Variants in WNK1 observed in about 807,000 individuals in gnomAD.
The protein encoded by WNK1 is serine/threonine-protein kinase WNK1.
WNK1 carries 38 observed loss-of-function variants against 222.8 expected under a neutral mutation model. The ratio of observed to expected loss-of-function variants is 0.17; its 90% CI spans 0.13 to 0.22. The LOEUF (loss-of-function observed/expected upper bound fraction) is 0.22. Among genes scored for constraint, WNK1 ranks in the 10% least tolerant of loss-of-function variants. The pLI is 1.00. For missense variants in WNK1, 2,348 were observed against 2,918.4 expected, an observed-to-expected ratio of 0.80 and a Z score of 4.50; for synonymous variants, 1,090 against 1,092.9, an observed-to-expected ratio of 1.00 and a Z score of 0.05.
chr12:857,126 G>T lies in WNK1; in HGVS notation c.1312-35G>T, dbSNP rs759092333. ...TTAAAAAACAAAGTTCAAAGGCCCT[G>T]CTTTTATTAATGTATTTCTGTTTAT... is the stretch of plus-strand genomic sequence containing the variant. On this transcript the variant is annotated intron_variant, in intron 4 of 27. Transcript: ENST00000315939. 2.5e-6 allele frequency: 4 copies of T among 1,600,406 alleles called. No homozygotes were observed. The South Asian group carries it at 4.4e-5, about 18-fold the overall frequency.
chr12:864,831 T>C (rs1203543606), intron 8 of WNK1, among the ~76,000 whole-genome samples: 1 of 152,208 alleles, frequency 6.6e-6, no homozygotes, highest in Non-Finnish European at 1.5e-5. Context: ...CTTGTAACAC[T>C]TGGTGTTATT....
chr12:897,694 G>A lies in WNK1; in HGVS notation c.6448+13G>A. 6.2e-7 allele frequency: 1 copy of A among 1,613,578 alleles called. No individual in the cohort carries two copies. The highest frequency in any genetic ancestry group is 8.5e-7 in the Non-Finnish European group (1 of 1,179,678). Reference sequence around the variant, plus strand: ...CCCCAGCTTTCAGGTAAAAAGCCCTGGACTAGGTCAGCCACAGCTGTCCTA... The same window carrying A: ...CCCCAGCTTTCAGGTAAAAAGCCCTAGACTAGGTCAGCCACAGCTGTCCTA... On this transcript the variant is annotated intron_variant, in intron 25 of 27. Transcript: ENST00000315939.
At position 872,829 on chromosome 12, in the gene WNK1, A is replaced by G. The variant is rs144342555; in HGVS notation, c.2223+1481A>G. 7.0e-4 allele frequency among the ~76,000 whole-genome samples: 107 copies of G among 152,292 alleles called. 1 individual carries two copies. The highest frequency in any genetic ancestry group is 2.7e-3 in the South Asian group (13 of 4,822). On this transcript the variant is annotated intron_variant, in intron 9 of 27. Coordinates refer to ENST00000315939, the MANE Select transcript of WNK1 (RefSeq NM_018979.4). ...CAACATATGGTCATGTAGTCATTCG[A>G]TACTGGTTTAAGATCAGGAGTTGCT...
intron 4 of WNK1, among the ~76,000 whole-genome samples, chr12:852,599 A>G (rs916890231): frequency 6.6e-6 from 1 of 152,154 alleles, no homozygotes; most frequent in Non-Finnish European, 1.5e-5. Flanking sequence ...TAAGATAGTA[A>G]CCCAATTTAT....
chr12:818,653 C>A (rs1240284417), intron 2 of WNK1, among the ~76,000 whole-genome samples: 1 of 152,200 alleles, frequency 6.6e-6, no homozygotes, highest in Non-Finnish European at 1.5e-5. Flanking sequence ...CAGCTCCTGA[C>A]AACTACCAAC....
Position 821,889 on chromosome 12 carries a change from A to G in WNK1, c.933-5153A>G, listed in dbSNP as rs1591852734. Among the ~76,000 whole-genome samples the G allele has an allele frequency of 2.0e-5, 3 of 151,826 alleles. No individual in the cohort carries two copies. The South Asian group carries it at 6.2e-4, about 32-fold the overall frequency. On this transcript the variant is annotated intron_variant, in intron 2 of 27. Coordinates refer to ENST00000315939, the MANE Select transcript of WNK1 (RefSeq NM_018979.4). ...TAGCATAGAATATCATTTTTCTTTC[A>G]TCCTTTGAATTTCAACCTATTTCTG...
intron 1 of WNK1, among the ~76,000 whole-genome samples, chr12:807,275 G>A (rs1212700847): frequency 6.7e-6 from 1 of 148,532 alleles, no homozygotes; most frequent in East Asian, 2.0e-4. Context: ...CTGGGCAACA[G>A]AGTGAGACCC....
At chr12:764,559 C>T (rs1294053840) in intron 1 of WNK1, among the ~76,000 whole-genome samples, 6 of 125,734 alleles carry the variant, frequency 4.8e-5, no homozygotes, top group African/African-American at 1.7e-4. Flanking sequence ...TCGCTTGAAC[C>T]GGGGAGGTGG....
chr12:765,532 A>G (rs1332142653), intron 1 of WNK1, among the ~76,000 whole-genome samples: 1 of 123,810 alleles, frequency 8.1e-6, no homozygotes, highest in Non-Finnish European at 1.9e-5. Context: ...TAGGTGACAG[A>G]GCTATGACCC....
At chr12:754,435 G>C in intron 1 of WNK1, 111 bp downstream of exon 1, 1 of 1,405,450 alleles carries the variant, frequency 7.1e-7, no homozygotes, top group Non-Finnish European at 1.0e-6. Context: ...GACTCCGAGT[G>C]GGACGGGGAG....
intron 1 of WNK1, among the ~76,000 whole-genome samples, chr12:794,925 T>TA (rs1173629204): frequency 6.6e-6 from 1 of 152,032 alleles, no homozygotes; most frequent in Non-Finnish European, 1.5e-5. Flanking sequence ...CTAATTTTTT[T>TA]AAAAAATTGT....
intron 6 of WNK1, among the ~76,000 whole-genome samples, chr12:860,484 A>C (rs1424231672): frequency 6.6e-6 from 1 of 152,188 alleles, no homozygotes; most frequent in African/African-American, 2.4e-5. Flanking sequence ...CTCTGAGAGG[A>C]GATCAGGTAT....
chr12:886,022 A>G lies in WNK1; in HGVS notation c.5218A>G (p.Thr1740Ala). 3.8e-6 allele frequency: 6 copies of G among 1,597,364 alleles called. No homozygotes were observed. Among genetic ancestry groups the G allele is most frequent in the Non-Finnish European group, 5.1e-6 (6 of 1,174,478 alleles). The change falls in exon 19 of 28, where the codon ACT (threonine) becomes GCT (alanine). Residue 1740 changes from threonine to alanine, a missense_variant. Thr to Ala is a moderately conservative substitution (Grantham distance 58). Transcript: ENST00000315939. The stretch of plus-strand genomic sequence containing the variant: ...TGGGCAAGTTTCTACCCCAGTCAGC[A>G]CTACTACATCAGGAGTGAAACCTGG... ...TPGQVSTPVS[T>A]TTSGVKPGTA...
At chr12:825,918 T>C (rs1017675223) in intron 2 of WNK1, among the ~76,000 whole-genome samples, 3 of 152,232 alleles carry the variant, frequency 2.0e-5, no homozygotes, top group African/African-American at 7.2e-5. Flanking sequence ...AAATAGGCAT[T>C]GGAACTCAAT....
At chr12:785,100 A>G (rs1944136629) in intron 1 of WNK1, among the ~76,000 whole-genome samples, 1 of 152,162 alleles carries the variant, frequency 6.6e-6, no homozygotes, top group African/African-American at 2.4e-5. Flanking sequence ...TATTGCTGTT[A>G]AAGTCTGAGG....
rs1171734770 is a variant in WNK1 at position 881,693 on chromosome 12, G to A, written c.3113G>A (p.Ser1038Asn). 6.2e-7 allele frequency: 1 copy of A among 1,612,742 alleles called. No individual in the cohort carries two copies. Among genetic ancestry groups the A allele is most frequent in the Non-Finnish European group, 8.5e-7 (1 of 1,178,776 alleles). Reference protein sequence around the residue: ...TTSSQQAVLESTQGVSQVAPA... With the variant: ...TTSSQQAVLENTQGVSQVAPA... Reference sequence around the variant, plus strand: ...TTGAGTTATCTTTTCGATTCACAGAGTACTCAGGGAGTCTCTCAGGTTGCT... The same window carrying A: ...TTGAGTTATCTTTTCGATTCACAGAATACTCAGGGAGTCTCTCAGGTTGCT... The change falls in exon 13 of 28, where the codon AGT (serine) becomes AAT (asparagine). Residue 1038 changes from serine (S) to asparagine (N), a missense_variant and splice_region_variant. Transcript: ENST00000315939.
In WNK1 at chr12:834,274, C is replaced by T. The variant is rs1175766200; in HGVS notation, c.1311+4114C>T. Among the ~76,000 whole-genome samples the T allele has an allele frequency of 2.6e-5, 4 of 152,286 alleles. No homozygotes were observed. In the East Asian group the frequency reaches 7.7e-4, roughly 29 times the overall value. ...AATTGCTACTTAGTTTCTCCTGCTC[C>T]CAAATCCTGTCTCATCTCAGAGCAG... On this transcript the variant is annotated intron_variant, in intron 4 of 27. Coordinates refer to ENST00000315939, the MANE Select transcript of WNK1 (RefSeq NM_018979.4).
chr12:905,467 GGT>G (rs1253653899), intron 26 of WNK1, among the ~76,000 whole-genome samples: 26 of 152,268 alleles, frequency 1.7e-4, no homozygotes, highest in Admixed American at 1.7e-3. Flanking sequence ...AGACTAGAGA[GGT>G]GTGTCTCCCA....
chr12:820,528 T>C (rs1457154407), intron 2 of WNK1, among the ~76,000 whole-genome samples: 1 of 145,502 alleles, frequency 6.9e-6, no homozygotes, highest in Non-Finnish European at 1.5e-5. Context: ...GAGGCTGGAG[T>C]GCAGTGGTGC....
Sources: allele counts gnomAD v4.1 joint callset (sites outside exome capture counted in the v4.1 genomes callset), GRCh38; gene constraint gnomAD v4.1.1; transcripts MANE v1.5; gene names NCBI Gene and HGNC (gene_info 2026-07-23, HGNC 2026-07-21).